The following GRIK2 variants were observed in gnomAD, a reference collection of about 807,000 sequenced individuals.
GRIK2 encodes the protein glutamate ionotropic receptor kainate type subunit 2, also known as glutamate receptor ionotropic, kainate 2.
Under a neutral mutation model 100.3 loss-of-function variants are expected in GRIK2, and 32 were observed. The ratio of observed to expected loss-of-function variants is 0.32; its 90% CI spans 0.24 to 0.43. GRIK2 has a LOEUF of 0.43. Among genes scored for constraint, GRIK2 ranks in the 20% least tolerant of loss-of-function variants. GRIK2 has a pLI of 1.00. For synonymous variants in GRIK2, 417 were observed against 389.4 expected (o/e 1.07, Z -0.83); for missense variants, 843 against 1,114.9 (o/e 0.76, Z 3.47).
intron 9 of GRIK2, among the ~76,000 whole-genome samples, chr6:101,806,710 A>G (rs1158724136): frequency 6.6e-6 from 1 of 151,390 alleles, no homozygotes; most frequent in Non-Finnish European, 1.5e-5. Flanking sequence ...TTTCCCAGCC[A>G]GGAATATCCA....
At chr6:101,905,843 T>C (rs2791761) in intron 12 of GRIK2, among the ~76,000 whole-genome samples, 4,173 of 151,524 alleles carry the variant, frequency 0.028, 188 homozygotes, top group African/African-American at 0.096. Context: ...CTATACCTAC[T>C]CTTTCAGAAA....
intron 2 of GRIK2, among the ~76,000 whole-genome samples, chr6:101,502,368 T>G (rs1365597591): frequency 1.3e-5 from 2 of 152,162 alleles, no homozygotes; most frequent in Non-Finnish European, 2.9e-5. Flanking sequence ...TTATTTATAA[T>G]AGTTAACTTT....
intron 12 of GRIK2, among the ~76,000 whole-genome samples, chr6:101,901,834 C>T (rs1447039990): frequency 6.6e-6 from 1 of 151,902 alleles, no homozygotes; most frequent in African/African-American, 2.4e-5. Flanking sequence ...ATCAGTAGAA[C>T]TGATCATTGT....
At chr6:101,402,819 A>G (rs987934508) in intron 2 of GRIK2, among the ~76,000 whole-genome samples, 8 of 152,170 alleles carry the variant, frequency 5.3e-5, no homozygotes, top group Non-Finnish European at 1.2e-4. Flanking sequence ...AGCGCGTCCC[A>G]GCGTATGTAA....
chr6:101,419,861 G>A (rs1272728721), intron 2 of GRIK2, among the ~76,000 whole-genome samples: 1 of 152,156 alleles, frequency 6.6e-6, no homozygotes, highest in African/African-American at 2.4e-5. Context: ...AACCAAAGCA[G>A]GTGTTGCATG....
At chr6:101,406,404 C>T (rs1582378540) in intron 2 of GRIK2, among the ~76,000 whole-genome samples, 1 of 152,202 alleles carries the variant, frequency 6.6e-6, no homozygotes, top group East Asian at 1.9e-4. Flanking sequence ...CACTAGACAG[C>T]AGGGCCATTT....
chr6:101,423,772 TA>T (rs35653675), intron 2 of GRIK2, among the ~76,000 whole-genome samples: 89,905 of 151,908 alleles, frequency 0.59, 26,640 homozygotes, highest in Admixed American at 0.63. Context: ...CTTTTGATAC[TA>T]ATCCCATATT....
intron 10 of GRIK2, among the ~76,000 whole-genome samples, chr6:101,826,492 G>A (rs1782341582): frequency 6.6e-6 from 1 of 151,950 alleles, no homozygotes; most frequent in Admixed American, 6.6e-5. Flanking sequence ...GGAGATGTTG[G>A]CAATGACTTT....
intron 12 of GRIK2, among the ~76,000 whole-genome samples, chr6:101,907,264 G>A (rs573223532): frequency 7.1e-4 from 108 of 151,694 alleles, no homozygotes; most frequent in African/African-American, 2.5e-3. Flanking sequence ...AACAAGAATA[G>A]TTTATAAACA....
chr6:101,787,921 G>C (rs1322721714), intron 7 of GRIK2, among the ~76,000 whole-genome samples: 1 of 152,026 alleles, frequency 6.6e-6, no homozygotes, highest in Non-Finnish European at 1.5e-5. Context: ...TTTCTGTATT[G>C]TAGTCTGTCT....
intron 7 of GRIK2, among the ~76,000 whole-genome samples, chr6:101,795,773 T>A (rs1780260918): frequency 6.6e-6 from 1 of 152,166 alleles, no homozygotes; most frequent in South Asian, 2.1e-4. Context: ...GCTTGGGTAC[T>A]TGGGGGATAG....
intron 2 of GRIK2, among the ~76,000 whole-genome samples, chr6:101,510,550 T>A (rs1774253462): frequency 8.5e-6 from 1 of 117,488 alleles, no homozygotes; most frequent in Non-Finnish European, 1.6e-5. Context: ...TGAGATTGAG[T>A]CTCACACTGT....
intron 15 of GRIK2, among the ~76,000 whole-genome samples, chr6:102,041,800 A>T (rs7451081): frequency 0.27 from 24,047 of 89,152 alleles, 2,776 homozygotes; most frequent in African/African-American, 0.44. Flanking sequence ...TTAGAAAATT[A>T]AAAAAAAAAA....
chr6:101,815,312 G>T (rs1781568622), intron 9 of GRIK2, among the ~76,000 whole-genome samples: 1 of 151,956 alleles, frequency 6.6e-6, no homozygotes, highest in Non-Finnish European at 1.5e-5. Context: ...CAATTAATAT[G>T]CATTCTTTTT....
At chr6:101,990,204 A>AG (rs1794281451) in intron 14 of GRIK2, among the ~76,000 whole-genome samples, 1 of 151,714 alleles carries the variant, frequency 6.6e-6, no homozygotes, top group Non-Finnish European at 1.5e-5. Context: ...ACTGTACACC[A>AG]GGCACTGTGT....
chr6:101,617,288 C>G (rs187967871), intron 2 of GRIK2, among the ~76,000 whole-genome samples: 109 of 151,918 alleles, frequency 7.2e-4, no homozygotes, highest in Non-Finnish European at 1.6e-4. Flanking sequence ...ACATCATGCT[C>G]TCTTCTTACT....
intron 2 of GRIK2, among the ~76,000 whole-genome samples, chr6:101,424,049 A>C (rs568211207): frequency 7.9e-5 from 12 of 152,258 alleles, no homozygotes; most frequent in Admixed American, 3.3e-4. Context: ...TATGGAAAAT[A>C]TATGTATTTG....
intron 11 of GRIK2, among the ~76,000 whole-genome samples, chr6:101,870,875 C>T (rs1326729496): frequency 6.6e-6 from 1 of 151,814 alleles, no homozygotes; most frequent in East Asian, 1.9e-4. Context: ...TAAGCAGATA[C>T]TGTCAGATAT....
intron 2 of GRIK2, among the ~76,000 whole-genome samples, chr6:101,409,943 A>G: frequency 6.6e-6 from 1 of 152,086 alleles, no homozygotes; most frequent in Non-Finnish European, 1.5e-5. Flanking sequence ...CTTCCTTGAA[A>G]TATACCTCAA....
Sources: gnomAD v4.1 joint callset for allele counts (sites outside exome capture counted in the v4.1 genomes callset) on GRCh38, gnomAD v4.1.1 for gene constraint, MANE v1.5 for transcripts, NCBI Gene and HGNC (gene_info 2026-07-23, HGNC 2026-07-21) for gene names.